The following VPS33B variants were observed in gnomAD, a reference collection of about 807,000 sequenced individuals.
VPS33B encodes the protein VPS33B late endosome and lysosome associated, also known as vacuolar protein sorting-associated protein 33B.
Under a neutral mutation model 95.3 loss-of-function variants are expected in VPS33B, and 80 were observed. That is an observed-to-expected ratio of 0.84 (90% CI 0.70 to 1.01). The LOEUF (loss-of-function observed/expected upper bound fraction) is 1.01. Among genes scored for constraint, VPS33B ranks in the 50% least tolerant of loss-of-function variants. The pLI, the probability that VPS33B is intolerant of heterozygous loss-of-function variation, is 0.00. For missense variants in VPS33B, 715 were observed against 773.4 expected, an observed-to-expected ratio of 0.92 and a Z score of 0.90; for synonymous variants, 280 against 280.4, an observed-to-expected ratio of 1.00 and a Z score of 0.01.
At chr15:91,003,306 C>T (rs928871320) in intron 16 of VPS33B, among the ~76,000 whole-genome samples, 175 bp from the exon 17 acceptor site, 2 of 152,092 alleles carry the variant, frequency 1.3e-5, no homozygotes, top group African/African-American at 4.8e-5. Flanking sequence ...AAAGATAAAG[C>T]CTTGGTCTGG....
rs758556489 is a variant in VPS33B, at chr15:91,009,780, C to T, written c.403+21G>A. Reference sequence around the variant, plus strand: ...TCTGTATGTTCTCTTTCCCTTTCCACTCACATTCATCTCCTCTCACCTCCA... The same window carrying T: ...TCTGTATGTTCTCTTTCCCTTTCCATTCACATTCATCTCCTCTCACCTCCA... On this transcript the variant is annotated intron_variant, in intron 6 of 22. Transcript: ENST00000333371. The surrounding 1 kb of genome is among the most constrained non-coding windows in gnomAD (Gnocchi z 4.1). 1.2e-6 allele frequency: 2 copies of T among 1,614,102 alleles called. No individual in the cohort carries two copies. Among genetic ancestry groups the T allele is most frequent in the Non-Finnish European group, 1.7e-6 (2 of 1,179,958 alleles).
rs1194179095 is a variant in VPS33B, at chr15:90,999,521, G to A, written c.1774+156C>T. The A allele has an allele frequency of 3.7e-6, 3 of 802,556 alleles. No individual in the cohort carries two copies. The African/African-American group carries it at 5.1e-5, about 14-fold the overall frequency. 49.7% of individuals were successfully genotyped at this position (802,556 alleles called of 1,614,324 possible). ...TTTCGTAGAGATGGGGTTTCACCAT[G>A]TTGGTCAGGCTAGGCTCTAACTCCT... On this transcript the variant is annotated intron_variant, in intron 22 of 22. Transcript: ENST00000333371. This position sits in a 1 kb window ranked among gnomAD's most constrained non-coding sequence, Gnocchi z 5.1.
Position 91,006,757 on chromosome 15 carries a change from G to A in VPS33B, c.701-28C>T. The A allele has an allele frequency of 1.9e-6, 3 of 1,613,940 alleles. No homozygotes were observed. The highest frequency in any genetic ancestry group is 1.7e-6 in the Non-Finnish European group (2 of 1,179,848). ...GAAACAGAGATCCCTGACCATGAAG[G>A]TTCTCCCTGACCCAGCCTTCTACAC... is the stretch of plus-strand genomic sequence containing the variant. On this transcript the variant is annotated intron_variant, in intron 9 of 22. Transcript: ENST00000333371. This position sits in a 1 kb window ranked among gnomAD's most constrained non-coding sequence, Gnocchi z 5.4.
Position 91,005,210 on chromosome 15 carries a change from C to G in VPS33B, c.1106-91G>C. 1 of 1,612,600 alleles carries G rather than the reference C, an allele frequency of 6.2e-7. No homozygotes were observed. Among genetic ancestry groups the G allele is most frequent in the Non-Finnish European group, 8.5e-7 (1 of 1,179,714 alleles). On this transcript the variant is annotated intron_variant, in intron 14 of 22. Transcript: ENST00000333371. This position sits in a 1 kb window ranked among gnomAD's most constrained non-coding sequence, Gnocchi z 6.4. ...GGTGTCTGTCTCCCCATCTCTTTCT[C>G]CATCCTTGGGGTGGGTTAAGGGACC...
chr15:90,998,825 G>T lies in VPS33B; in HGVS notation c.*150C>A. On this transcript the variant is annotated 3_prime_UTR_variant, in exon 23 of 23. Coordinates refer to ENST00000333371, the MANE Select transcript of VPS33B (RefSeq NM_018668.5). This position sits in a 1 kb window ranked among gnomAD's most constrained non-coding sequence, Gnocchi z 4.8. ...GAGCAGGAAGTGAACTCTTTTCTCA[G>T]ATAATGTTCTCTAAATCCCAACACG... The T allele has an allele frequency of 2.4e-6, 2 of 821,898 alleles. No homozygotes were observed. The highest frequency in any genetic ancestry group is 2.1e-6 in the Non-Finnish European group (1 of 482,492). The allele number at this position is 821,898 out of a possible 1,614,324, so 50.9% of individuals were successfully genotyped here.
chr15:91,014,449 A>G lies in VPS33B; in HGVS notation c.240-16T>C. 5.6e-6 allele frequency: 9 copies of G among 1,607,976 alleles called. No homozygotes were observed. Among genetic ancestry groups the G allele is most frequent in the South Asian group, 5.5e-5 (5 of 90,782 alleles). ...GAAGCACAATCTATGAGAGAGAAAGAAAAAAAAACAGTGAAGAAGAATTAT... is the reference window on the plus strand; with the variant it reads ...GAAGCACAATCTATGAGAGAGAAAGGAAAAAAAACAGTGAAGAAGAATTAT... On this transcript the variant is annotated splice_polypyrimidine_tract_variant and intron_variant, in intron 3 of 22. Transcript: ENST00000333371.
chr15:91,014,865 T>C (rs978441776), intron 3 of VPS33B, among the ~76,000 whole-genome samples: 1 of 151,614 alleles, frequency 6.6e-6, no homozygotes, highest in East Asian at 1.9e-4. Flanking sequence ...GGTGAGAAGA[T>C]TGCTTGAGCT....
chr15:91,007,108 C>T lies in VPS33B; in HGVS notation c.604-62G>A. The T allele has an allele frequency of 1.3e-6, 2 of 1,568,576 alleles. No homozygotes were observed. Among genetic ancestry groups the T allele is most frequent in the Non-Finnish European group, 1.7e-6 (2 of 1,150,820 alleles). On this transcript the variant is annotated intron_variant, in intron 8 of 22. Transcript: ENST00000333371. This position sits in a 1 kb window ranked among gnomAD's most constrained non-coding sequence, Gnocchi z 5.3. ...GGTCCCTACTGCAGCCCCATACCTACAGAAGTCAGCCCTTTCCACGTGATA... is the reference window on the plus strand; with the variant it reads ...GGTCCCTACTGCAGCCCCATACCTATAGAAGTCAGCCCTTTCCACGTGATA...
intron 3 of VPS33B, 116 bp from the exon 4 acceptor site, chr15:91,014,549 A>C: frequency 8.8e-7 from 1 of 1,135,598 alleles, no homozygotes; most frequent in Admixed American, 1.7e-5. Context: ...GTCTCATCCT[A>C]GCCAAAGCTA....
At chr15:91,019,563 A>AGGG (rs1214032571) in intron 1 of VPS33B, among the ~76,000 whole-genome samples, 1 of 152,198 alleles carries the variant, frequency 6.6e-6, no homozygotes, top group East Asian at 1.9e-4. Flanking sequence ...ATGCCAGCTT[A>AGGG]GGGGAGTGTG....
chr15:90,999,168 G>T lies in VPS33B; in HGVS notation c.1775-114C>A. ...CACGGGATCACAGCACCAGTTTATA[G>T]ACAGAGACGTGAGTGCCATGCTCTT... On this transcript the variant is annotated intron_variant, in intron 22 of 22. Coordinates refer to ENST00000333371, the MANE Select transcript of VPS33B (RefSeq NM_018668.5). This position sits in a 1 kb window ranked among gnomAD's most constrained non-coding sequence, Gnocchi z 5.1. 1.0e-6 allele frequency: 1 copy of T among 954,184 alleles called. No individual in the cohort carries two copies. The highest frequency in any genetic ancestry group is 1.7e-6 in the Non-Finnish European group (1 of 602,844). The allele number at this position is 954,184 out of a possible 1,614,324, so 59.1% of individuals were successfully genotyped here.
At position 91,006,847 on chromosome 15, in the gene VPS33B, G is replaced by A; in HGVS notation, c.700+103C>T. Reference sequence around the variant, plus strand: ...AAGGACCCACGCTCCTCAAAGCTGGGATTCACAGCCCTAACTTTAGGATTT... The same window carrying A: ...AAGGACCCACGCTCCTCAAAGCTGGAATTCACAGCCCTAACTTTAGGATTT... On this transcript the variant is annotated intron_variant, in intron 9 of 22. Coordinates refer to ENST00000333371, the MANE Select transcript of VPS33B (RefSeq NM_018668.5). The surrounding 1 kb of genome is among the most constrained non-coding windows in gnomAD (Gnocchi z 5.4). The A allele has an allele frequency of 6.3e-7, 1 of 1,589,446 alleles. No individual in the cohort carries two copies. The highest frequency in any genetic ancestry group is 2.2e-5 in the East Asian group (1 of 44,744).
In VPS33B at chr15:91,009,107, G is replaced by A. The variant is rs1173004949; in HGVS notation, c.403+694C>T. 1.3e-5 allele frequency among the ~76,000 whole-genome samples: 2 copies of A among 152,064 alleles called. No homozygotes were observed. The highest frequency in any genetic ancestry group is 4.8e-5 in the African/African-American group (2 of 41,382). On this transcript the variant is annotated intron_variant, in intron 6 of 22. Transcript: ENST00000333371. This position sits in a 1 kb window ranked among gnomAD's most constrained non-coding sequence, Gnocchi z 4.1. The stretch of plus-strand genomic sequence containing the variant: ...AGGTTTGGGTTGTGTGGAGAATAGC[G>A]GAGGAATACACAGAGGGGAGGCCCA...
rs186271906 is a variant in VPS33B at position 91,017,170 on chromosome 15, G to A, written c.178-146C>T. On this transcript the variant is annotated intron_variant, in intron 2 of 22. Transcript: ENST00000333371. ...ATTATGCTAATTATGCTCCCCTGAC[G>A]ACCATCCCACTGAATTTTCCTCAAA... is the stretch of plus-strand genomic sequence containing the variant. The A allele has an allele frequency of 1.8e-3, 1,333 of 741,702 alleles. 8 individuals carry two copies. The highest frequency in any genetic ancestry group is 2.0e-3 in the Non-Finnish European group (846 of 424,396). 45.9% of individuals were successfully genotyped at this position (741,702 alleles called of 1,614,324 possible).
intron 3 of VPS33B, 87 bp downstream of exon 3, chr15:91,016,876 A>T: frequency 1.5e-6 from 2 of 1,292,462 alleles, no homozygotes; most frequent in South Asian, 1.2e-5. Context: ...TGAACCATAT[A>T]TCTCAGCCAA....
rs1253220692 is a variant in VPS33B at position 91,006,214 on chromosome 15, T to G, written c.853-155A>C. On this transcript the variant is annotated intron_variant, in intron 11 of 22. Transcript: ENST00000333371. This position sits in a 1 kb window ranked among gnomAD's most constrained non-coding sequence, Gnocchi z 5.4. ...TCCATATCAAATGCCTACACCGTGT[T>G]CTAGGAGATGCTCTGAACTGGTGGG... Among the ~76,000 whole-genome samples, 1 of 152,224 alleles carries G rather than the reference T, an allele frequency of 6.6e-6. No homozygotes were observed. The highest frequency in any genetic ancestry group is 1.5e-5 in the Non-Finnish European group (1 of 68,032).
At chr15:91,014,272 T>C in intron 4 of VPS33B, 112 bp downstream of exon 4, 1 of 1,033,754 alleles carries the variant, frequency 9.7e-7, no homozygotes, top group Non-Finnish European at 1.5e-6. Flanking sequence ...CCTCCACAAG[T>C]GCTACGGCCA....
chr15:91,004,798 G>T, intron 16 of VPS33B, 79 bp downstream of exon 16: 1 of 1,526,204 alleles, frequency 6.6e-7, no homozygotes, highest in Non-Finnish European at 9.1e-7. Flanking sequence ...ATTTGCCTTA[G>T]CCTTTCAAAA....
chr15:91,009,615 G>A lies in VPS33B; in HGVS notation c.403+186C>T, dbSNP rs1232259406. Among the ~76,000 whole-genome samples, 1 of 140,578 alleles carries A rather than the reference G, an allele frequency of 7.1e-6. No individual in the cohort carries two copies. Among genetic ancestry groups the A allele is most frequent in the African/African-American group, 2.6e-5 (1 of 38,186 alleles). 92.2% of individuals were successfully genotyped at this position (140,578 alleles called of 152,430 possible). ...GCCACTGCGCCCAGCCCCCAGTAGT[G>A]TTCTAATTCGTGGTCCTATTCCCAT... On this transcript the variant is annotated intron_variant, in intron 6 of 22. Coordinates refer to ENST00000333371, the MANE Select transcript of VPS33B (RefSeq NM_018668.5). The surrounding 1 kb of genome is among the most constrained non-coding windows in gnomAD (Gnocchi z 4.1).
Sources: gnomAD v4.1 joint callset for allele counts (sites outside exome capture counted in the v4.1 genomes callset) on GRCh38, gnomAD v4.1.1 for gene constraint, Gnocchi (gnomAD v3.1) non-coding constraint, MANE v1.5 for transcripts, NCBI Gene and HGNC (gene_info 2026-07-23, HGNC 2026-07-21) for gene names.